Variants in CCBE1 observed in about 807,000 individuals in gnomAD.
CCBE1 encodes the protein collagen and calcium-binding EGF domain-containing protein 1.
Under a neutral mutation model 50.0 loss-of-function variants are expected in CCBE1, and 37 were observed. That is an observed-to-expected ratio of 0.74 (90% CI 0.57 to 0.97). The LOEUF (loss-of-function observed/expected upper bound fraction) is 0.97, where lower values mean the gene tolerates loss of function less well. CCBE1 is among the 50% of genes least tolerant of loss of function. The pLI is 0.00. For missense variants in CCBE1, 538 were observed against 523.8 expected (o/e 1.03, Z -0.26); for synonymous variants, 234 against 203.7 (o/e 1.15, Z -1.27).
chr18:59,477,578 C>T (rs1466923711), intron 3 of CCBE1, among the ~76,000 whole-genome samples: 1 of 143,318 alleles, frequency 7.0e-6, no homozygotes, highest in Non-Finnish European at 1.5e-5. Context: ...ACCTGCATGC[C>T]AATCTTTGTT....
intron 2 of CCBE1, chr18:59,688,305 G>C (rs2054684482): frequency 6.6e-6 from 1 of 152,186 alleles, no homozygotes; most frequent in Admixed American, 6.5e-5. Flanking sequence ...AATTAGTCAG[G>C]CATGGTGGTG....
chr18:59,589,258 T>A (rs568461280), intron 2 of CCBE1, among the ~76,000 whole-genome samples: 1 of 152,292 alleles, frequency 6.6e-6, no homozygotes, highest in East Asian at 1.9e-4. Context: ...TTCATCAATA[T>A]GGGCCACATT....
At chr18:59,473,709 C>CT (rs1912154320) in intron 3 of CCBE1, among the ~76,000 whole-genome samples, 1 of 147,222 alleles carries the variant, frequency 6.8e-6, no homozygotes, top group African/African-American at 2.5e-5. Context: ...TACTCCCCCC[C>CT]TACTACTCAC....
At chr18:59,520,897 T>G (rs1914569969) in intron 2 of CCBE1, among the ~76,000 whole-genome samples, 1 of 152,242 alleles carries the variant, frequency 6.6e-6, no homozygotes, top group South Asian at 2.1e-4. Context: ...CCTGCAGCAG[T>G]GGATGTAATT....
At position 59,635,625 on chromosome 18, in the gene CCBE1, A is replaced by G. The variant is rs564574771; in HGVS notation, c.212+61004T>C. 1.4e-4 allele frequency among the ~76,000 whole-genome samples: 22 copies of G among 152,312 alleles called. No individual in the cohort carries two copies. The South Asian group carries it at 4.1e-3, about 29-fold the overall frequency. Reference sequence around the variant, plus strand: ...CTGTGTTATTCAGGAAGAGAAGAAGATATTTGTGAACAATAGACATGAAGG... The same window carrying G: ...CTGTGTTATTCAGGAAGAGAAGAAGGTATTTGTGAACAATAGACATGAAGG... On this transcript the variant is annotated intron_variant, in intron 2 of 10. Transcript: ENST00000439986.
At chr18:59,467,267 AG>A in intron 4 of CCBE1, among the ~76,000 whole-genome samples, 1 of 152,316 alleles carries the variant, frequency 6.6e-6, no homozygotes, top group African/African-American at 2.4e-5. Flanking sequence ...CAACACTCAG[AG>A]AAGCAAACAT....
chr18:59,492,259 T>C (rs2143810302), intron 2 of CCBE1, among the ~76,000 whole-genome samples: 1 of 152,038 alleles, frequency 6.6e-6, no homozygotes, highest in East Asian at 1.9e-4. Flanking sequence ...TTCCCTCTGG[T>C]AGAAGCCCCA....
intron 2 of CCBE1, among the ~76,000 whole-genome samples, chr18:59,540,980 G>A (rs926262531): frequency 2.0e-5 from 3 of 152,180 alleles, no homozygotes; most frequent in Non-Finnish European, 2.9e-5. Context: ...CTAGTCCCTA[G>A]AGGCAGGAAG....
intron 2 of CCBE1, among the ~76,000 whole-genome samples, chr18:59,687,318 T>C (rs1186977821): frequency 6.6e-6 from 1 of 152,240 alleles, no homozygotes; most frequent in African/African-American, 2.4e-5. Flanking sequence ...TAAGTTAAAA[T>C]GGACATGTTA....
intron 2 of CCBE1, among the ~76,000 whole-genome samples, chr18:59,480,753 AT>A (rs10636742): frequency 2.1e-4 from 31 of 150,034 alleles, no homozygotes; most frequent in African/African-American, 4.9e-4. Flanking sequence ...CATTTGAGTG[AT>A]TTTTTTTTTT....
rs112944254 is a variant in CCBE1, at chr18:59,606,536, G to C, written c.212+90093C>G. Among the ~76,000 whole-genome samples, 3 of 152,188 alleles carry C rather than the reference G, an allele frequency of 2.0e-5. No homozygotes were observed. The East Asian group carries it at 5.8e-4, about 29-fold the overall frequency. The stretch of plus-strand genomic sequence containing the variant: ...CTTTACTCTTCAAAGATAACATCCC[G>C]TCCGTATGTGACTCCCTGCATCTTG... On this transcript the variant is annotated intron_variant, in intron 2 of 10. Coordinates refer to ENST00000439986, the MANE Select transcript of CCBE1 (RefSeq NM_133459.4).
At chr18:59,539,062 G>A (rs891396487) in intron 2 of CCBE1, among the ~76,000 whole-genome samples, 1 of 152,074 alleles carries the variant, frequency 6.6e-6, no homozygotes, top group Non-Finnish European at 1.5e-5. Context: ...TACAGTCCCA[G>A]TTACTCAGGA....
intron 2 of CCBE1, among the ~76,000 whole-genome samples, chr18:59,525,282 A>T (rs1230110677): frequency 1.3e-5 from 2 of 152,186 alleles, no homozygotes; most frequent in Non-Finnish European, 2.9e-5. Context: ...ACTGGCATGA[A>T]ATGGTATCTC....
intron 2 of CCBE1, among the ~76,000 whole-genome samples, chr18:59,644,116 G>A (rs566018503): frequency 1.2e-4 from 18 of 152,264 alleles, no homozygotes; most frequent in African/African-American, 4.1e-4. Flanking sequence ...AAACTGTTCC[G>A]CCTTAGATCA....
At chr18:59,546,418 A>T (rs1915684258) in intron 2 of CCBE1, among the ~76,000 whole-genome samples, 1 of 152,210 alleles carries the variant, frequency 6.6e-6, no homozygotes, top group African/African-American at 2.4e-5. Flanking sequence ...ATTAGTCATC[A>T]TAGCCCAAGC....
chr18:59,633,734 T>TG (rs1048489206), intron 2 of CCBE1, among the ~76,000 whole-genome samples: 190 of 151,070 alleles, frequency 1.3e-3, no homozygotes, highest in African/African-American at 4.4e-3. Context: ...AGGGTTTGTT[T>TG]TTTTTTTTTT....
At chr18:59,622,364 C>T (rs1404961407) in intron 2 of CCBE1, among the ~76,000 whole-genome samples, 2 of 152,086 alleles carry the variant, frequency 1.3e-5, no homozygotes, top group Non-Finnish European at 2.9e-5. Context: ...GGTGTGGTGG[C>T]GGGTGCCTGT....
intron 2 of CCBE1, among the ~76,000 whole-genome samples, chr18:59,504,200 A>G (rs1054047595): frequency 2.0e-5 from 3 of 152,166 alleles, no homozygotes; most frequent in Non-Finnish European, 2.9e-5. Flanking sequence ...CACAATCTCC[A>G]TGCTATAGCT....
At chr18:59,639,831 G>A (rs1397631611) in intron 2 of CCBE1, among the ~76,000 whole-genome samples, 1 of 152,116 alleles carries the variant, frequency 6.6e-6, no homozygotes, top group Admixed American at 6.6e-5. Flanking sequence ...AATCAGTAGC[G>A]TTCCTATATG....
Sources: allele counts gnomAD v4.1 joint callset (sites outside exome capture counted in the v4.1 genomes callset), GRCh38; gene constraint gnomAD v4.1.1; transcripts MANE v1.5; gene names NCBI Gene and HGNC (gene_info 2026-07-23, HGNC 2026-07-21).